PASD1: variants seen among roughly 807,000 people sequenced by gnomAD.
PASD1 encodes the protein PAS domain containing repressor 1, also known as circadian clock protein PASD1.
A neutral mutation model predicts 58.8 loss-of-function variants in PASD1; 13 were observed. That is an observed-to-expected ratio of 0.22 (90% confidence interval 0.14 to 0.35). PASD1 has a LOEUF of 0.35. Among genes scored for constraint, PASD1 ranks in the 10% least tolerant of loss-of-function variants. The pLI, the probability that PASD1 is intolerant of heterozygous loss-of-function variation, is 1.00. For synonymous variants in PASD1, 236 were observed against 216.7 expected (o/e 1.09, Z -0.78); for missense variants, 734 against 568.3 (o/e 1.29, Z -2.96).
chrX:151,594,027 G>T (rs187143219), intron 1 of PASD1, among the ~76,000 whole-genome samples: 102 of 111,632 alleles, frequency 9.1e-4, no homozygotes, highest in African/African-American at 3.0e-3. Context: ...AGGCTGGAAT[G>T]CAGTGGCACG....
intron 1 of PASD1, among the ~76,000 whole-genome samples, chrX:151,593,786 T>C (rs2013281684): frequency 9.0e-6 from 1 of 111,119 alleles, no homozygotes. Context: ...GGTCAAATGG[T>C]ATTTCTAGTT....
chrX:151,607,617 T>C (rs773679782), intron 3 of PASD1, among the ~76,000 whole-genome samples: 1 of 111,797 alleles, frequency 8.9e-6, no homozygotes, highest in South Asian at 3.8e-4. Flanking sequence ...CACCTTGAAA[T>C]AGTCTGTATA....
At chrX:151,573,082 G>A (rs1413332192) in intron 1 of PASD1, among the ~76,000 whole-genome samples, 1 of 64,646 alleles carries the variant, frequency 1.5e-5, no homozygotes, top group East Asian at 5.5e-4. Context: ...TAAGGCAGGG[G>A]AAGTTTTGGG....
intron 1 of PASD1, among the ~76,000 whole-genome samples, chrX:151,595,982 T>C (rs1170412670): frequency 1.8e-5 from 2 of 111,425 alleles, no homozygotes; most frequent in Non-Finnish European, 3.8e-5. Flanking sequence ...TTTGCTCTTA[T>C]CTCAAAGATC....
At chrX:151,592,272 AT>A (rs1284035377) in intron 1 of PASD1, among the ~76,000 whole-genome samples, 1 of 112,356 alleles carries the variant, frequency 8.9e-6, no homozygotes, top group Non-Finnish European at 1.9e-5. Flanking sequence ...AATTGATGAT[AT>A]TGAGACATCC....
At chrX:151,598,540 T>C (rs1159132956) in intron 1 of PASD1, among the ~76,000 whole-genome samples, 1 of 111,474 alleles carries the variant, frequency 9.0e-6, no homozygotes. Context: ...ATACTGTGCC[T>C]TCCCATTTTG....
At chrX:151,599,771 A>G (rs1360926878) in intron 1 of PASD1, among the ~76,000 whole-genome samples, 2 of 104,791 alleles carry the variant, frequency 1.9e-5, no homozygotes, top group Non-Finnish European at 3.9e-5. Context: ...GGCGCTCCTC[A>G]CTTCCCAGAC....
intron 11 of PASD1, among the ~76,000 whole-genome samples, chrX:151,665,685 G>T (rs1177210867): frequency 1.8e-5 from 2 of 111,539 alleles, no homozygotes; most frequent in African/African-American, 3.3e-5. Context: ...GACGGATTAG[G>T]TCACCTCTCA....
intron 4 of PASD1, among the ~76,000 whole-genome samples, chrX:151,616,586 C>T (rs2013640598): frequency 9.1e-6 from 1 of 110,049 alleles, no homozygotes; most frequent in South Asian, 4.0e-4. Flanking sequence ...GCAGCCTGCC[C>T]TCCTACTCAC....
At chrX:151,604,443 A>G (rs1436084071) in intron 2 of PASD1, among the ~76,000 whole-genome samples, 1 of 112,095 alleles carries the variant, frequency 8.9e-6, no homozygotes, top group Non-Finnish European at 1.9e-5. Flanking sequence ...ATGATCTTCA[A>G]AGTCTTTTTC....
At chrX:151,670,998 G>C (rs1264544126) in intron 11 of PASD1, 40 bp from the exon 12 acceptor site, 3 of 1,173,564 alleles carry the variant, frequency 2.6e-6, no homozygotes, top group Non-Finnish European at 3.4e-6. Flanking sequence ...GGAGAAACCA[G>C]TGTTGCTATA....
In PASD1 at chrX:151,672,324, CAGG is replaced by C. The variant is rs768430878; in HGVS notation, c.1582_1584del (p.Glu528del). 2.3e-5 allele frequency: 27 copies of C among 1,172,652 alleles called. No individual in the cohort carries two copies. Among genetic ancestry groups the C allele is most frequent in the African/African-American group, 7.1e-5 (4 of 56,012 alleles). Reference sequence around the variant, plus strand: ...GAAGAAGCTGCAGGAGCAGAAAATGCAGGAGAAGAAGAAGCTGCAGGAGCAGAG... The same window carrying C: ...GAAGAAGCTGCAGGAGCAGAAAATGCAGAAGAAGAAGCTGCAGGAGCAGAG... On this transcript the variant is annotated inframe_deletion, in exon 14 of 16. Coordinates refer to ENST00000370357, the MANE Select transcript of PASD1 (RefSeq NM_173493.3).
chrX:151,606,298 GA>G (rs1181076639), intron 3 of PASD1, among the ~76,000 whole-genome samples: 2 of 112,245 alleles, frequency 1.8e-5, no homozygotes, highest in Non-Finnish European at 3.8e-5. Context: ...AGGGACAGTA[GA>G]GGGCTCTTTC....
intron 9 of PASD1, among the ~76,000 whole-genome samples, chrX:151,653,271 C>A (rs2014157702): frequency 9.2e-6 from 1 of 108,200 alleles, no homozygotes. Context: ...CGGCTCACTG[C>A]AACCTCCGCC....
intron 8 of PASD1, among the ~76,000 whole-genome samples, chrX:151,637,432 A>C (rs2013944392): frequency 9.0e-6 from 1 of 111,550 alleles, no homozygotes; most frequent in South Asian, 3.8e-4. Context: ...GCTGGAATGC[A>C]ATGGCCTGAT....
At position 151,568,834 on chromosome X, in the gene PASD1, T is replaced by C. The variant is rs771907541; in HGVS notation, c.-28+4995T>C. Among the ~76,000 whole-genome samples the C allele has an allele frequency of 7.6e-4, 85 of 111,714 alleles. 1 individual carries two copies. The highest frequency in any genetic ancestry group is 4.7e-4 in the Admixed American group (5 of 10,529). ...TTTCACCGAATATATGGGTGAGCAA[T>C]GCACCTTAGACTTTTCGGTGAACTT... On this transcript the variant is annotated intron_variant, in intron 1 of 15. Coordinates refer to ENST00000370357, the MANE Select transcript of PASD1 (RefSeq NM_173493.3).
intron 15 of PASD1, 58 bp downstream of exon 15, chrX:151,674,244 C>T: frequency 8.4e-7 from 1 of 1,185,046 alleles, no homozygotes. Context: ...TTCTGGGCCC[C>T]TTCCACATAA....
At chrX:151,595,930 C>T in intron 1 of PASD1, among the ~76,000 whole-genome samples, 1 of 111,131 alleles carries the variant, frequency 9.0e-6, no homozygotes, top group Non-Finnish European at 1.9e-5. Context: ...CTGGAAGTGC[C>T]CTCAGGTAGA....
chrX:151,634,336 C>G (rs1225946033), intron 8 of PASD1, among the ~76,000 whole-genome samples: 1 of 110,625 alleles, frequency 9.0e-6, no homozygotes, highest in Non-Finnish European at 1.9e-5. Flanking sequence ...GGAGATACAC[C>G]TCTATTTCTC....
Sources: gnomAD v4.1 joint callset for allele counts (sites outside exome capture counted in the v4.1 genomes callset) on GRCh38, gnomAD v4.1.1 for gene constraint, MANE v1.5 for transcripts, NCBI Gene and HGNC (gene_info 2026-07-23, HGNC 2026-07-21) for gene names.